CLEC1B: variants seen among roughly 807,000 people sequenced by gnomAD.
CLEC1B encodes C-type lectin-like receptor 2.
Under a neutral mutation model 26.7 loss-of-function variants are expected in CLEC1B, and 26 were observed. The ratio of observed to expected loss-of-function variants is 0.97; its 90% CI spans 0.71 to 1.35. The LOEUF is 1.35. Ranked by LOEUF, CLEC1B falls within the 40% of genes most tolerant of loss-of-function variation. The pLI is 0.00. For missense variants in CLEC1B, 293 were observed against 282.6 expected (o/e 1.04, Z -0.26); for synonymous variants, 112 against 96.0 (o/e 1.17, Z -0.97).
At chr12:9,993,484 A>T (rs1193995881) in intron 5 of CLEC1B, among the ~76,000 whole-genome samples, 197 bp from the exon 6 acceptor site, 6 of 152,074 alleles carry the variant, frequency 3.9e-5, no homozygotes, top group Admixed American at 3.9e-4. Context: ...TAAAAAGCCC[A>T]ATATCAATTT....
intron 1 of CLEC1B, 46 bp downstream of exon 1, chr12:9,998,991 C>G: frequency 1.8e-6 from 2 of 1,102,498 alleles, no homozygotes; most frequent in Non-Finnish European, 2.7e-6. Context: ...TGAATCAACT[C>G]ATTTTTTAAA....
intron 1 of CLEC1B, among the ~76,000 whole-genome samples, chr12:9,998,796 T>C (rs1315304690): frequency 2.0e-5 from 3 of 152,232 alleles, no homozygotes; most frequent in Non-Finnish European, 4.4e-5. Flanking sequence ...TTGACTTCTA[T>C]GCCCTCGAGT....
chr12:9,998,206 G>A (rs1200004249), intron 2 of CLEC1B, 76 bp downstream of exon 2: 1 of 1,092,632 alleles, frequency 9.2e-7, no homozygotes, highest in East Asian at 2.4e-5. Context: ...CGACCATTGA[G>A]AAGCTTAGTG....
chr12:9,999,835 G>A (rs1349304973), upstream of CLEC1B, among the ~76,000 whole-genome samples: 1 of 152,186 alleles, frequency 6.6e-6, no homozygotes, highest in East Asian at 1.9e-4. Flanking sequence ...TGGAATGGAA[G>A]AATTTTGATT....
At chr12:9,998,629 C>T (rs10431294) in intron 1 of CLEC1B, among the ~76,000 whole-genome samples, 32,828 of 110,382 alleles carry the variant, frequency 0.3, 4,857 homozygotes, top group East Asian at 0.53. Flanking sequence ...CTGTTAAGGC[C>T]TGATGTGTTT....
In CLEC1B at chr12:9,995,161, C is replaced by A. The variant is rs563227508; in HGVS notation, c.524G>T (p.Gly175Val). Residue 175 changes from glycine to valine, a missense_variant, in exon 5 of 6, where the codon GGC (glycine) becomes GTC (valine). Coordinates refer to ENST00000298527, the MANE Select transcript of CLEC1B (RefSeq NM_016509.4). ...KSNEVWKWED[G>V]SVISENMFEF... ...TTACATATTTTCTGAGATAACCGAG[C>A]CATCCTCCCACTTCCAGACCTCATT... 1 of 1,612,780 alleles carries A rather than the reference C, an allele frequency of 6.2e-7. No homozygotes were observed. The highest frequency in any genetic ancestry group is 1.1e-5 in the South Asian group (1 of 91,072).
chr12:9,999,150 T>C (rs201918706), upstream of CLEC1B: 34 of 1,252,002 alleles, frequency 2.7e-5, no homozygotes, highest in Admixed American at 5.9e-4. Context: ...CTTTGCAAAA[T>C]GTAGTTTCCA....
upstream of CLEC1B, among the ~76,000 whole-genome samples, chr12:10,001,823 A>G (rs1425149128): frequency 6.6e-6 from 1 of 151,810 alleles, no homozygotes; most frequent in Non-Finnish European, 1.5e-5. Context: ...CCTTGCTTGA[A>G]TATCTTATTC....
chr12:9,997,074 C>T (rs1865069898), intron 3 of CLEC1B, 74 bp from the exon 4 acceptor site: 2 of 1,609,050 alleles, frequency 1.2e-6, no homozygotes, highest in Non-Finnish European at 1.7e-6. Flanking sequence ...TCAATGTTTT[C>T]TGCAGATCTC....
chr12:9,998,810 A>T (rs1363187766), intron 1 of CLEC1B, among the ~76,000 whole-genome samples: 3 of 152,184 alleles, frequency 2.0e-5, no homozygotes, highest in Admixed American at 1.3e-4. Flanking sequence ...CTCGAGTATT[A>T]AACGCTCAGA....
chr12:10,000,989 A>T (rs1383475480), upstream of CLEC1B, among the ~76,000 whole-genome samples: 1 of 152,260 alleles, frequency 6.6e-6, no homozygotes, highest in Non-Finnish European at 1.5e-5. Context: ...TATAGTACAA[A>T]TGACACTTTT....
intron 4 of CLEC1B, 153 bp from the exon 5 acceptor site, chr12:9,995,399 C>A: frequency 1.4e-6 from 1 of 711,414 alleles, no homozygotes; most frequent in Non-Finnish European, 2.5e-6. Flanking sequence ...GAAATTGTAC[C>A]AATTTGACTT....
rs866749310 is a variant in CLEC1B, at chr12:9,996,957, A to G, written c.327T>C (p.Tyr109=). The change falls in exon 4 of 6, where the codon TAT becomes TAC. Residue 109 remains tyrosine, a synonymous_variant. Coordinates refer to ENST00000298527, the MANE Select transcript of CLEC1B (RefSeq NM_016509.4). ...CSPCDTNWRY[Y]GDSCYGFFRH... ...TGAAGAACCCATAGCAGCTATCTCCATAATATCTCCAGTTTGTGTCACAGG... is the reference window on the plus strand; with the variant it reads ...TGAAGAACCCATAGCAGCTATCTCCGTAATATCTCCAGTTTGTGTCACAGG... 2.5e-6 allele frequency: 4 copies of G among 1,614,094 alleles called. No individual in the cohort carries two copies. Among genetic ancestry groups the G allele is most frequent in the Middle Eastern group, 1.6e-4 (1 of 6,062 alleles).
intron 5 of CLEC1B, 41 bp from the exon 6 acceptor site, chr12:9,993,328 G>T: frequency 6.7e-7 from 1 of 1,483,428 alleles, no homozygotes; most frequent in Non-Finnish European, 9.2e-7. Flanking sequence ...TGAAAACTGA[G>T]CAAACAATCA....
intron 4 of CLEC1B, chr12:9,996,640 G>A (rs537276963): frequency 5.3e-5 from 36 of 677,726 alleles, no homozygotes; most frequent in South Asian, 4.7e-4. Flanking sequence ...AAGTCAATTT[G>A]ACTGATCAAC....
intron 5 of CLEC1B, among the ~76,000 whole-genome samples, chr12:9,993,699 C>T (rs1046281513): frequency 1.3e-5 from 2 of 152,028 alleles, no homozygotes; most frequent in South Asian, 2.1e-4. Context: ...GATGGGAATA[C>T]GCTCATGGAA....
In CLEC1B at chr12:9,993,077, C is replaced by A; in HGVS notation, c.*66G>T. ...AATAAGCAATTTTCAGCTACTGATG[C>A]ATTCATACATATCTTTTATTGTACA... On this transcript the variant is annotated 3_prime_UTR_variant, in exon 6 of 6. Coordinates refer to ENST00000298527, the MANE Select transcript of CLEC1B (RefSeq NM_016509.4). The A allele has an allele frequency of 7.0e-7, 1 of 1,423,642 alleles. No individual in the cohort carries two copies. Among genetic ancestry groups the A allele is most frequent in the Non-Finnish European group, 9.6e-7 (1 of 1,039,510 alleles). 88.2% of individuals were successfully genotyped at this position (1,423,642 alleles called of 1,614,324 possible).
chr12:9,998,069 A>G (rs1746123), intron 2 of CLEC1B, among the ~76,000 whole-genome samples: 1 of 151,928 alleles, frequency 6.6e-6, no homozygotes, highest in African/African-American at 2.4e-5. Context: ...CTTAAAAATA[A>G]CTTTTCATTA....
chr12:9,993,080 T>C lies in CLEC1B; in HGVS notation c.*63A>G. 1 of 1,475,180 alleles carries C rather than the reference T, an allele frequency of 6.8e-7. No individual in the cohort carries two copies. Among genetic ancestry groups the C allele is most frequent in the African/African-American group, 1.4e-5 (1 of 71,482 alleles). The allele number at this position is 1,475,180 out of a possible 1,614,324, so 91.4% of individuals were successfully genotyped here. On this transcript the variant is annotated 3_prime_UTR_variant, in exon 6 of 6. Transcript: ENST00000298527. ...AAGCAATTTTCAGCTACTGATGCAT[T>C]CATACATATCTTTTATTGTACAATA...
Sources: allele counts gnomAD v4.1 joint callset (sites outside exome capture counted in the v4.1 genomes callset), GRCh38; gene constraint gnomAD v4.1.1; transcripts MANE v1.5; gene names NCBI Gene and HGNC (gene_info 2026-07-23, HGNC 2026-07-21).